Variants in AADACL4 observed in about 807,000 individuals in gnomAD.
AADACL4 encodes the protein arylacetamide deacetylase like 4.
A neutral mutation model predicts 14.1 loss-of-function variants in AADACL4; 9 were observed. That is an observed-to-expected ratio of 0.64 (90% CI 0.39 to 1.12). The LOEUF is 1.12. Ranked by LOEUF, AADACL4 falls within the 50% of genes most tolerant of loss-of-function variation. AADACL4 has a pLI of 0.01. For synonymous variants in AADACL4, 188 were observed against 201.6 expected (o/e 0.93, Z 0.57); for missense variants, 531 against 516.1 (o/e 1.03, Z -0.28).
At chr1:12,661,916 G>A in intron 3 of AADACL4, 62 bp downstream of exon 3, 2 of 1,552,282 alleles carry the variant, frequency 1.3e-6, no homozygotes, top group Non-Finnish European at 1.8e-6. Context: ...GTAAGTTCAT[G>A]GGTGATTTGT....
chr1:12,652,840 G>A (rs569744468), intron 2 of AADACL4, among the ~76,000 whole-genome samples: 4 of 152,212 alleles, frequency 2.6e-5, no homozygotes, highest in Non-Finnish European at 5.9e-5. Context: ...CCAATCCAGT[G>A]CCATGTTGGG....
At chr1:12,662,881 C>T (rs915632551) in intron 3 of AADACL4, among the ~76,000 whole-genome samples, 2 of 152,222 alleles carry the variant, frequency 1.3e-5, no homozygotes, top group African/African-American at 4.8e-5. Context: ...CCATTACAGT[C>T]TATGTCACCA....
chr1:12,659,061 G>A (rs947386791), intron 2 of AADACL4, among the ~76,000 whole-genome samples: 12 of 152,328 alleles, frequency 7.9e-5, no homozygotes, highest in Middle Eastern at 3.4e-3. Flanking sequence ...GGATATGGAT[G>A]TATGGACCGA....
At chr1:12,648,346 A>ATCCTTCCT (rs34475360) in intron 1 of AADACL4, among the ~76,000 whole-genome samples, 8,143 of 140,526 alleles carry the variant, frequency 0.058, 314 homozygotes, top group African/African-American at 0.09. Context: ...TGGACCTCAG[A>ATCCTTCCT]TCCTTCCTTC....
At chr1:12,652,614 G>C (rs1323651883) in intron 2 of AADACL4, among the ~76,000 whole-genome samples, 1 of 152,234 alleles carries the variant, frequency 6.6e-6, no homozygotes, top group Non-Finnish European at 1.5e-5. Context: ...ATGGACTCAA[G>C]AGAGACAGGC....
chr1:12,653,640 T>TTACA (rs1647163220), intron 2 of AADACL4, among the ~76,000 whole-genome samples: 1 of 152,224 alleles, frequency 6.6e-6, no homozygotes, highest in Non-Finnish European at 1.5e-5. Context: ...GCGCAAATCC[T>TTACA]GGGATCCAAA....
chr1:12,645,842 C>A (rs975487516), intron 1 of AADACL4, among the ~76,000 whole-genome samples: 2 of 152,228 alleles, frequency 1.3e-5, no homozygotes, highest in Non-Finnish European at 2.9e-5. Context: ...CTGCACCTAG[C>A]TTCACAGGTG....
At chr1:12,663,587 T>G (rs1647265529) in intron 3 of AADACL4, among the ~76,000 whole-genome samples, 1 of 152,160 alleles carries the variant, frequency 6.6e-6, no homozygotes, top group Admixed American at 6.5e-5. Context: ...ACACATTCAG[T>G]CTATCACAGT....
chr1:12,663,298 T>C (rs1457774935), intron 3 of AADACL4, among the ~76,000 whole-genome samples: 1 of 152,340 alleles, frequency 6.6e-6, no homozygotes, highest in East Asian at 1.9e-4. Context: ...AACACTTTGA[T>C]TTCTCAGAGT....
Position 12,644,476 on chromosome 1 carries a change from C to T in AADACL4, c.-71C>T. 2 of 1,556,468 alleles carry T rather than the reference C, an allele frequency of 1.3e-6. No individual in the cohort carries two copies. Among genetic ancestry groups the T allele is most frequent in the Non-Finnish European group, 1.7e-6 (2 of 1,146,144 alleles). ...GGTGGAGGAGGCGGAGGGTGTAACCCAGCCAGGTCCTCTTCACATAAGCTA... is the reference window on the plus strand; with the variant it reads ...GGTGGAGGAGGCGGAGGGTGTAACCTAGCCAGGTCCTCTTCACATAAGCTA... On this transcript the variant is annotated 5_prime_UTR_variant, in exon 1 of 4. Coordinates refer to ENST00000376221, the MANE Select transcript of AADACL4 (RefSeq NM_001013630.2).
Position 12,666,793 on chromosome 1 carries a change from G to A in AADACL4, c.*58G>A. The A allele has an allele frequency of 6.7e-7, 1 of 1,489,552 alleles. No individual in the cohort carries two copies. Among genetic ancestry groups the A allele is most frequent in the Admixed American group, 2.2e-5 (1 of 46,058 alleles). The allele number at this position is 1,489,552 out of a possible 1,614,324, so 92.3% of individuals were successfully genotyped here. Reference sequence around the variant, plus strand: ...AAGTATGGACTCTACCAGAAACCGGGTGCTTTAGTGAGTTCTATTTTATTG... The same window carrying A: ...AAGTATGGACTCTACCAGAAACCGGATGCTTTAGTGAGTTCTATTTTATTG... On this transcript the variant is annotated 3_prime_UTR_variant, in exon 4 of 4. Coordinates refer to ENST00000376221, the MANE Select transcript of AADACL4 (RefSeq NM_001013630.2).
intron 2 of AADACL4, among the ~76,000 whole-genome samples, chr1:12,659,490 C>T (rs1402131825): frequency 6.6e-6 from 1 of 152,084 alleles, no homozygotes; most frequent in African/African-American, 2.4e-5. Flanking sequence ...CCAAAACATT[C>T]ATTAATCAAG....
chr1:12,644,693 A>G lies in AADACL4; in HGVS notation c.147A>G (p.Ile49Met), dbSNP rs778375497. 6.2e-7 allele frequency: 1 copy of G among 1,613,968 alleles called. No homozygotes were observed. Among genetic ancestry groups the G allele is most frequent in the Non-Finnish European group, 8.5e-7 (1 of 1,179,924 alleles). The change falls in exon 1 of 4, where the codon ATA becomes ATG. Residue 49 changes from isoleucine to methionine, a missense_variant. Ile to Met is a conservative substitution (Grantham distance 10). Transcript: ENST00000376221. ...HPAKLRFLHC[I>M]FLYLVTLGNI... ...CCAAGTTGAGATTCCTGCATTGCAT[A>G]TTCCTCTACCTGGTCACTTTGGTGA...
Position 12,666,642 on chromosome 1 carries a change from C to T in AADACL4, c.1131C>T (p.His377=), listed in dbSNP as rs368235693. ...GGTACCACCTGTATGATGGTTTTCA[C>T]GGATCCATTATCTTTTTTGATAAGA... is the stretch of plus-strand genomic sequence containing the variant. ...VTWYHLYDGF[H]GSIIFFDKKA... is the part of the protein sequence containing the mutation. Residue 377 remains histidine (H), a synonymous_variant, in exon 4 of 4, where the codon CAC becomes CAT. Coordinates refer to ENST00000376221, the MANE Select transcript of AADACL4 (RefSeq NM_001013630.2). 1.1e-5 allele frequency: 18 copies of T among 1,614,184 alleles called. No homozygotes were observed. Among genetic ancestry groups the T allele is most frequent in the African/African-American group, 2.7e-5 (2 of 75,044 alleles).
chr1:12,647,090 A>G (rs201837154), intron 1 of AADACL4, among the ~76,000 whole-genome samples: 1 of 128,794 alleles, frequency 7.8e-6, no homozygotes, highest in Admixed American at 8.0e-5. Context: ...AAAAGTGAGG[A>G]TTTTTTTTTT....
rs1460453739 is a variant in AADACL4 at position 12,666,538 on chromosome 1, A to G, written c.1027A>G (p.Ser343Gly). The G allele has an allele frequency of 2.5e-6, 4 of 1,614,082 alleles. No homozygotes were observed. The highest frequency in any genetic ancestry group is 1.7e-5 in the Admixed American group (1 of 60,000). The change falls in exon 4 of 4, where the codon AGC becomes GGC. Residue 343 changes from serine to glycine, a missense_variant. Physicochemically the swap from Ser to Gly is moderately conservative, Grantham distance 56. Coordinates refer to ENST00000376221, the MANE Select transcript of AADACL4 (RefSeq NM_001013630.2). ...TCAGCTTCCTGAGGCCTTCCTGGTG[A>G]GCTGTGAGAATGACATACTCCGTGA... Reference protein sequence around the residue: ...IAQLPEAFLVSCENDILRDDS... With the variant: ...IAQLPEAFLVGCENDILRDDS...
chr1:12,666,876 A>T lies in AADACL4; in HGVS notation c.*141A>T, dbSNP rs1358737072. The T allele has an allele frequency of 2.3e-6, 2 of 858,132 alleles. No individual in the cohort carries two copies. The highest frequency in any genetic ancestry group is 3.5e-6 in the Non-Finnish European group (2 of 570,004). The allele number at this position is 858,132 out of a possible 1,614,324, so 53.2% of individuals were successfully genotyped here. A position where few individuals can be genotyped will look rare whatever the true frequency, so the allele number is the denominator to read the frequency against. On this transcript the variant is annotated 3_prime_UTR_variant, in exon 4 of 4. Transcript: ENST00000376221. Reference sequence around the variant, plus strand: ...GCTGGGAAGGGTGAGAAGTAAGCTAACAGTCTTGCTTAGTATTCAAGAAAA... The same window carrying T: ...GCTGGGAAGGGTGAGAAGTAAGCTATCAGTCTTGCTTAGTATTCAAGAAAA...
intron 2 of AADACL4, among the ~76,000 whole-genome samples, chr1:12,657,599 C>A (rs185526647): frequency 6.6e-6 from 1 of 152,280 alleles, no homozygotes; most frequent in Non-Finnish European, 1.5e-5. Flanking sequence ...AGAGTGCAGG[C>A]AGACTCAAGA....
chr1:12,664,948 G>C (rs747529625), intron 3 of AADACL4, among the ~76,000 whole-genome samples: 4 of 151,694 alleles, frequency 2.6e-5, no homozygotes, highest in Non-Finnish European at 5.9e-5. Flanking sequence ...GAAGACCAAC[G>C]CCCTAGTGTT....
Sources: allele counts gnomAD v4.1 joint callset (sites outside exome capture counted in the v4.1 genomes callset), GRCh38; gene constraint gnomAD v4.1.1; transcripts MANE v1.5; gene names NCBI Gene and HGNC (gene_info 2026-07-23, HGNC 2026-07-21).